The following CHRM3 variants were observed in gnomAD, a reference collection of about 807,000 sequenced individuals.
CHRM3 encodes cholinergic receptor muscarinic 3, also known as muscarinic acetylcholine receptor M3.
A neutral mutation model predicts 41.8 loss-of-function variants in CHRM3; 11 were observed. The ratio of observed to expected loss-of-function variants is 0.26; its 90% CI spans 0.17 to 0.44. CHRM3 has a LOEUF of 0.44. Among genes scored for constraint, CHRM3 ranks in the 20% least tolerant of loss-of-function variants. The pLI, the probability that CHRM3 is intolerant of heterozygous loss-of-function variation, is 1.00. For missense variants in CHRM3, 571 were observed against 745.4 expected, an observed-to-expected ratio of 0.77 and a Z score of 2.72; for synonymous variants, 297 against 301.4, an observed-to-expected ratio of 0.99 and a Z score of 0.15.
intron 1 of CHRM3, among the ~76,000 whole-genome samples, chr1:239,412,977 C>T (rs930635397): frequency 6.6e-6 from 1 of 151,790 alleles, no homozygotes; most frequent in African/African-American, 2.4e-5. Flanking sequence ...ACTCGGGAGG[C>T]TGAGGCAAGA....
At chr1:239,813,643 C>T (rs1327599755) in intron 5 of CHRM3, among the ~76,000 whole-genome samples, 1 of 151,646 alleles carries the variant, frequency 6.6e-6, no homozygotes, top group African/African-American at 2.4e-5. Flanking sequence ...GTTGGCCGGG[C>T]GCGGTGGCTC....
intron 4 of CHRM3, among the ~76,000 whole-genome samples, chr1:239,674,960 T>C (rs1657841881): frequency 6.6e-6 from 1 of 152,298 alleles, no homozygotes; most frequent in South Asian, 2.1e-4. Context: ...TCTGCTTCTC[T>C]AATTTTATCT....
chr1:239,580,618 G>A (rs1662782153), intron 3 of CHRM3, among the ~76,000 whole-genome samples: 1 of 147,266 alleles, frequency 6.8e-6, no homozygotes, highest in Non-Finnish European at 1.5e-5. Flanking sequence ...CAGAATCTCA[G>A]AATATTCACC....
chr1:239,516,958 A>C (rs1205278577), intron 2 of CHRM3, among the ~76,000 whole-genome samples: 1 of 152,028 alleles, frequency 6.6e-6, no homozygotes. Flanking sequence ...CCATCACCCT[A>C]AGATGTGACA....
At chr1:239,891,493 G>A (rs931315427) in intron 6 of CHRM3, among the ~76,000 whole-genome samples, 3 of 152,148 alleles carry the variant, frequency 2.0e-5, no homozygotes, top group Admixed American at 6.5e-5. Flanking sequence ...AGGCTAAGAA[G>A]CATAACTTCC....
At chr1:239,851,534 T>C (rs1449832307) in intron 6 of CHRM3, among the ~76,000 whole-genome samples, 1 of 152,160 alleles carries the variant, frequency 6.6e-6, no homozygotes, top group Non-Finnish European at 1.5e-5. Context: ...CAAATGAAAT[T>C]GAGGTCTTTA....
At chr1:239,585,088 C>T (rs889679072) in intron 3 of CHRM3, among the ~76,000 whole-genome samples, 7 of 149,698 alleles carry the variant, frequency 4.7e-5, no homozygotes, top group East Asian at 3.9e-4. Context: ...TACACACATA[C>T]GTATATACAT....
At chr1:239,598,253 T>A (rs1382087228) in intron 3 of CHRM3, among the ~76,000 whole-genome samples, 1 of 152,078 alleles carries the variant, frequency 6.6e-6, no homozygotes, top group Non-Finnish European at 1.5e-5. Context: ...TCGCTGCCAG[T>A]CCAGCAGAGG....
intron 6 of CHRM3, among the ~76,000 whole-genome samples, chr1:239,843,441 G>A (rs116251679): frequency 0.019 from 2,336 of 121,870 alleles, 81 homozygotes; most frequent in African/African-American, 0.068. Context: ...TATCTCACTC[G>A]CTTTCCTTTT....
At chr1:239,498,056 T>C (rs1667997175) in intron 2 of CHRM3, among the ~76,000 whole-genome samples, 1 of 152,200 alleles carries the variant, frequency 6.6e-6, no homozygotes, top group Admixed American at 6.5e-5. Flanking sequence ...GTATGACAAC[T>C]GAATATCAGC....
chr1:239,783,871 A>G lies in CHRM3; in HGVS notation c.-146-43381A>G, dbSNP rs925193166. The stretch of plus-strand genomic sequence containing the variant: ...CCCTTTCCCCACTTCCACTCTACCC[A>G]CTGTGGTAGTCCCCAGTGACTATTG... On this transcript the variant is annotated intron_variant, in intron 5 of 6. Transcript: ENST00000676153. Among the ~76,000 whole-genome samples, 3 of 152,220 alleles carry G rather than the reference A, an allele frequency of 2.0e-5. No individual in the cohort carries two copies. The East Asian group carries it at 5.8e-4, about 29-fold the overall frequency.
intron 5 of CHRM3, among the ~76,000 whole-genome samples, chr1:239,792,859 G>A (rs1167963370): frequency 1.3e-5 from 2 of 152,208 alleles, no homozygotes; most frequent in Non-Finnish European, 2.9e-5. Flanking sequence ...TGACACATGT[G>A]TGATTTGCAT....
chr1:239,864,858 G>A (rs950807796), intron 6 of CHRM3, among the ~76,000 whole-genome samples: 1 of 152,136 alleles, frequency 6.6e-6, no homozygotes, highest in Non-Finnish European at 1.5e-5. Flanking sequence ...AACAGGCATG[G>A]TGACACATTA....
intron 1 of CHRM3, among the ~76,000 whole-genome samples, chr1:239,476,787 A>G (rs976925755): frequency 5.3e-5 from 8 of 152,208 alleles, no homozygotes; most frequent in Non-Finnish European, 1.0e-4. Context: ...AATATGCTCA[A>G]TGTTTTCTTC....
chr1:239,659,353 C>G (rs1278273694), intron 4 of CHRM3, among the ~76,000 whole-genome samples: 1 of 152,112 alleles, frequency 6.6e-6, no homozygotes, highest in African/African-American at 2.4e-5. Flanking sequence ...ACTGGCAGAT[C>G]CCTATGGATT....
At chr1:239,645,866 C>T (rs1671698019) in intron 4 of CHRM3, among the ~76,000 whole-genome samples, 1 of 152,052 alleles carries the variant, frequency 6.6e-6, no homozygotes, top group African/African-American at 2.4e-5. Flanking sequence ...TACTTTTTAA[C>T]TAAAAGAGAG....
chr1:239,782,043 A>G (rs1006300611), intron 5 of CHRM3, among the ~76,000 whole-genome samples: 2 of 152,070 alleles, frequency 1.3e-5, no homozygotes, highest in Non-Finnish European at 2.9e-5. Context: ...TTTTGCATCT[A>G]TGTTCTTAAG....
intron 2 of CHRM3, among the ~76,000 whole-genome samples, chr1:239,505,078 T>A (rs572148121): frequency 2.6e-5 from 4 of 152,266 alleles, no homozygotes; most frequent in African/African-American, 9.6e-5. Context: ...AACAGTTTAA[T>A]AAGAACTAAA....
intron 3 of CHRM3, among the ~76,000 whole-genome samples, chr1:239,617,844 T>C (rs1159338326): frequency 6.6e-6 from 1 of 152,156 alleles, no homozygotes; most frequent in Non-Finnish European, 1.5e-5. Context: ...ACACACATGC[T>C]CACAAGTGAT....
Sources: allele counts gnomAD v4.1 joint callset (sites outside exome capture counted in the v4.1 genomes callset), GRCh38; gene constraint gnomAD v4.1.1; transcripts MANE v1.5; gene names NCBI Gene and HGNC (gene_info 2026-07-23, HGNC 2026-07-21).